Variants in GHR observed in about 807,000 individuals in gnomAD.
The protein encoded by GHR is growth hormone receptor.
Under a neutral mutation model 67.1 loss-of-function variants are expected in GHR, and 35 were observed. That is an observed-to-expected ratio of 0.52 (90% CI 0.40 to 0.69). The LOEUF (loss-of-function observed/expected upper bound fraction) is 0.69, where lower values mean the gene tolerates loss of function less well. Ranked by LOEUF, GHR falls within the 30% of genes least tolerant of loss-of-function variation. The probability of loss-of-function intolerance (pLI) is 0.00; values close to 1 mark genes in which losing one functional copy is unlikely to be tolerated. For synonymous variants in GHR, 272 were observed against 269.1 expected, an observed-to-expected ratio of 1.01 and a Z score of -0.10; for missense variants, 792 against 764.6, an observed-to-expected ratio of 1.04 and a Z score of -0.42.
In GHR at chr5:42,425,025, A is replaced by T. The variant is rs139350463; in HGVS notation, c.-12+1070A>T. The T allele has an allele frequency of 1.5e-4, 147 of 985,166 alleles. 1 individual carries two copies. The East Asian group carries it at 0.015, about 101-fold the overall frequency. 61.0% of individuals were successfully genotyped at this position (985,166 alleles called of 1,614,324 possible). On this transcript the variant is annotated intron_variant, in intron 1 of 9. Transcript: ENST00000230882. ...GTTTGTGCCGCCAGGAGACCTTGGA[A>T]GGGACAGAGAAAGGTAACGGAAGGC...
At chr5:42,452,922 C>T (rs1313536764) in intron 1 of GHR, among the ~76,000 whole-genome samples, 4 of 152,080 alleles carry the variant, frequency 2.6e-5, no homozygotes, top group Non-Finnish European at 5.9e-5. Context: ...TGGTTCGGAT[C>T]CATTGTTGTG....
rs570003831 is a variant in GHR at position 42,454,137 on chromosome 5, G to A, written c.-12+30182G>A. On this transcript the variant is annotated intron_variant, in intron 1 of 9. Coordinates refer to ENST00000230882, the MANE Select transcript of GHR (RefSeq NM_000163.5). ...GCTGGCGAATGTCTGCAAAGAGACC[G>A]GTGATCTGATCAGTCTTCAGGTCTC... is the stretch of plus-strand genomic sequence containing the variant. 4.5e-4 allele frequency among the ~76,000 whole-genome samples: 69 copies of A among 152,312 alleles called. 1 individual carries two copies. Among genetic ancestry groups the A allele is most frequent in the African/African-American group, 1.5e-3 (63 of 41,568 alleles).
intron 3 of GHR, among the ~76,000 whole-genome samples, chr5:42,674,885 A>G (rs1756495712): frequency 6.6e-6 from 1 of 152,196 alleles, no homozygotes. Context: ...TTGCAGGGTC[A>G]TATGGTAACT....
chr5:42,636,673 A>G (rs1236795898), intron 3 of GHR, among the ~76,000 whole-genome samples: 3 of 152,172 alleles, frequency 2.0e-5, no homozygotes, highest in Admixed American at 1.3e-4. Flanking sequence ...AATAATGTAC[A>G]TTTATGCACT....
At chr5:42,519,377 G>A (rs965828781) in intron 1 of GHR, among the ~76,000 whole-genome samples, 2 of 152,102 alleles carry the variant, frequency 1.3e-5, no homozygotes, top group African/African-American at 4.8e-5. Flanking sequence ...TACATTTAAA[G>A]TGTTTAGAAC....
chr5:42,632,636 G>T (rs907849030), intron 3 of GHR, among the ~76,000 whole-genome samples: 3 of 152,122 alleles, frequency 2.0e-5, no homozygotes, highest in Non-Finnish European at 4.4e-5. Flanking sequence ...AGTTTCTTAA[G>T]AAACATTTTC....
intron 2 of GHR, among the ~76,000 whole-genome samples, chr5:42,595,088 C>T (rs868005812): frequency 1.3e-5 from 2 of 152,278 alleles, no homozygotes; most frequent in South Asian, 4.1e-4. Flanking sequence ...CACAGTGCTT[C>T]CTACAATAAT....
chr5:42,429,942 A>G lies in GHR; in HGVS notation c.-12+5987A>G, dbSNP rs6887192. ...CAGAGAGTATGCCATCTGGCCTTAA[A>G]TGAAGTGAAAGTACATCAAATAAAG... On this transcript the variant is annotated intron_variant, in intron 1 of 9. Transcript: ENST00000230882. Among the ~76,000 whole-genome samples, 1,480 of 152,332 alleles carry G rather than the reference A, an allele frequency of 9.7e-3. 24 individuals are homozygous for G. Among genetic ancestry groups the G allele is most frequent in the African/African-American group, 0.033 (1,369 of 41,570 alleles).
chr5:42,562,244 G>T (rs1749649657), intron 1 of GHR, among the ~76,000 whole-genome samples: 1 of 152,146 alleles, frequency 6.6e-6, no homozygotes, highest in Non-Finnish European at 1.5e-5. Context: ...ACGTCTCGTG[G>T]CCTGGCTCAT....
intron 1 of GHR, among the ~76,000 whole-genome samples, chr5:42,541,216 T>C (rs1164330130): frequency 6.6e-6 from 1 of 152,170 alleles, no homozygotes; most frequent in Non-Finnish European, 1.5e-5. Flanking sequence ...CAAGTAAATA[T>C]ATATCAAAAA....
At chr5:42,610,343 A>C (rs1752832933) in intron 2 of GHR, among the ~76,000 whole-genome samples, 2 of 152,170 alleles carry the variant, frequency 1.3e-5, no homozygotes, top group African/African-American at 4.8e-5. Context: ...CTCTTTACCC[A>C]GTACATGTAC....
intron 6 of GHR, among the ~76,000 whole-genome samples, chr5:42,704,043 T>C (rs1758057997): frequency 6.6e-6 from 1 of 151,998 alleles, no homozygotes; most frequent in Non-Finnish European, 1.5e-5. Flanking sequence ...TTCTCTCTTT[T>C]GCTTAATTGC....
intron 3 of GHR, among the ~76,000 whole-genome samples, chr5:42,634,957 C>A (rs1484776575): frequency 2.0e-5 from 3 of 150,902 alleles, no homozygotes; most frequent in Non-Finnish European, 4.4e-5. Flanking sequence ...TGTGTCCTGG[C>A]AGAGATGGCA....
intron 8 of GHR, among the ~76,000 whole-genome samples, chr5:42,715,525 C>T (rs977623065): frequency 6.6e-6 from 1 of 152,172 alleles, no homozygotes; most frequent in African/African-American, 2.4e-5. Flanking sequence ...AAACCACAAA[C>T]ATAGTTTCAA....
intron 1 of GHR, among the ~76,000 whole-genome samples, chr5:42,453,907 T>C (rs959156036): frequency 1.3e-5 from 2 of 152,176 alleles, no homozygotes; most frequent in East Asian, 1.9e-4. Flanking sequence ...GGCACTGCAA[T>C]TGGGTCTCTG....
At chr5:42,553,325 A>G (rs543918276) in intron 1 of GHR, among the ~76,000 whole-genome samples, 4 of 152,202 alleles carry the variant, frequency 2.6e-5, no homozygotes, top group South Asian at 2.1e-4. Flanking sequence ...GTTCCTTGTC[A>G]TTGTTGGACC....
At chr5:42,611,780 AG>A (rs796533993) in intron 2 of GHR, among the ~76,000 whole-genome samples, 6 of 152,294 alleles carry the variant, frequency 3.9e-5, no homozygotes, top group African/African-American at 1.4e-4. Flanking sequence ...GTAGTTACTA[AG>A]GACTTAAGTC....
chr5:42,612,947 G>T lies in GHR; in HGVS notation c.71-16091G>T, dbSNP rs111843540. Among the ~76,000 whole-genome samples the T allele has an allele frequency of 4.6e-5, 7 of 152,152 alleles. 1 individual carries two copies. The highest frequency in any genetic ancestry group is 1.7e-4 in the African/African-American group (7 of 41,520). The stretch of plus-strand genomic sequence containing the variant: ...TCTCCTCCTATCTGCATAAATTGGG[G>T]ATGTAGAACTCCTGCATATCCAGCC... On this transcript the variant is annotated intron_variant, in intron 2 of 9. Transcript: ENST00000230882.
At chr5:42,663,759 A>T (rs1755795836) in intron 3 of GHR, among the ~76,000 whole-genome samples, 1 of 152,230 alleles carries the variant, frequency 6.6e-6, no homozygotes, top group Admixed American at 6.5e-5. Flanking sequence ...ATTACGCAGG[A>T]GAAGGAAATA....
Sources: gnomAD v4.1 joint callset for allele counts (sites outside exome capture counted in the v4.1 genomes callset) on GRCh38, gnomAD v4.1.1 for gene constraint, MANE v1.5 for transcripts, NCBI Gene and HGNC (gene_info 2026-07-23, HGNC 2026-07-21) for gene names.